PIGK: variants seen among roughly 807,000 people sequenced by gnomAD.
PIGK encodes the protein GPI-anchor transamidase.
PIGK carries 42 observed loss-of-function variants against 50.6 expected under a neutral mutation model. The observed-to-expected ratio is 0.83, with a 90% CI of 0.65 to 1.07. The LOEUF is 1.07. Ranked by LOEUF, PIGK falls within the 50% of genes least tolerant of loss-of-function variation. The pLI is 0.00. For synonymous variants in PIGK, 151 were observed against 156.0 expected (o/e 0.97, Z 0.24); for missense variants, 448 against 488.7 (o/e 0.92, Z 0.78).
intron 1 of PIGK, among the ~76,000 whole-genome samples, chr1:77,216,858 T>G (rs1390069889): frequency 6.6e-6 from 1 of 152,208 alleles, no homozygotes; most frequent in African/African-American, 2.4e-5. Flanking sequence ...TCCAAAGTTC[T>G]TACTTCTTTC....
At chr1:77,121,199 G>A (rs191109749) in intron 10 of PIGK, among the ~76,000 whole-genome samples, 4 of 152,218 alleles carry the variant, frequency 2.6e-5, no homozygotes, top group African/African-American at 9.6e-5. Context: ...TTTATGCTGA[G>A]AGTCAGGCAT....
chr1:77,096,585 A>G (rs1306019146), intron 10 of PIGK, among the ~76,000 whole-genome samples: 1 of 152,178 alleles, frequency 6.6e-6, no homozygotes, highest in East Asian at 1.9e-4. Flanking sequence ...CCAGCCAACT[A>G]TAAGGGCAAA....
In PIGK at chr1:77,159,856, A is replaced by G. The variant is rs1655096451; in HGVS notation, c.813+1439T>C. On this transcript the variant is annotated intron_variant, in intron 8 of 10. Coordinates refer to ENST00000370812, the MANE Select transcript of PIGK (RefSeq NM_005482.3). Reference sequence around the variant, plus strand: ...GCAGAAGGGACTTGTCTTGTCTCAGATGAGACTTTGGACTGTGGACTTTGA... The same window carrying G: ...GCAGAAGGGACTTGTCTTGTCTCAGGTGAGACTTTGGACTGTGGACTTTGA... Among the ~76,000 whole-genome samples, 4 of 152,142 alleles carry G rather than the reference A, an allele frequency of 2.6e-5. No individual in the cohort carries two copies. In the South Asian group the frequency reaches 8.3e-4, roughly 32 times the overall value.
intron 3 of PIGK, among the ~76,000 whole-genome samples, chr1:77,188,569 C>T (rs1255310443): frequency 2.0e-5 from 3 of 151,568 alleles, no homozygotes; most frequent in Admixed American, 2.0e-4. Context: ...TGTGATCTCG[C>T]CCTGCCTCCA....
intron 10 of PIGK, among the ~76,000 whole-genome samples, chr1:77,120,393 T>A (rs1046689172): frequency 4.6e-5 from 7 of 151,988 alleles, no homozygotes; most frequent in Non-Finnish European, 8.8e-5. Flanking sequence ...TAATTTTCTG[T>A]ATTACTTGTA....
intron 10 of PIGK, among the ~76,000 whole-genome samples, chr1:77,096,249 C>T (rs1214525099): frequency 1.3e-5 from 2 of 152,126 alleles, no homozygotes; most frequent in South Asian, 2.1e-4. Context: ...AGCACATCTT[C>T]GAGTCCTTCA....
intron 9 of PIGK, among the ~76,000 whole-genome samples, chr1:77,152,356 G>A (rs1312954714): frequency 6.6e-6 from 1 of 151,844 alleles, no homozygotes; most frequent in African/African-American, 2.4e-5. Context: ...AAATCAAAAT[G>A]GATTAAAGAC....
chr1:77,148,624 G>A (rs989832827), intron 9 of PIGK, among the ~76,000 whole-genome samples: 7 of 152,008 alleles, frequency 4.6e-5, no homozygotes, highest in African/African-American at 1.4e-4. Flanking sequence ...AATGTCGGGG[G>A]AGAGGGAGTT....
intron 10 of PIGK, among the ~76,000 whole-genome samples, chr1:77,108,185 C>T (rs912004778): frequency 1.3e-5 from 2 of 152,132 alleles, no homozygotes; most frequent in African/African-American, 2.4e-5. Context: ...TTCTTAGCAT[C>T]GATGGTCTTT....
intron 10 of PIGK, among the ~76,000 whole-genome samples, chr1:77,108,044 A>G (rs4504939): frequency 1.9e-3 from 285 of 152,120 alleles, no homozygotes; most frequent in Non-Finnish European, 3.2e-3. Flanking sequence ...TCTTTATCCA[A>G]TTTGCCAGTC....
intron 3 of PIGK, among the ~76,000 whole-genome samples, chr1:77,188,548 T>C (rs1224440212): frequency 6.6e-6 from 1 of 152,190 alleles, no homozygotes. Context: ...GGTCCTGTGG[T>C]CCTGTGGTCC....
At chr1:77,133,264 T>A (rs1654419724) in intron 9 of PIGK, among the ~76,000 whole-genome samples, 1 of 152,178 alleles carries the variant, frequency 6.6e-6, no homozygotes, top group South Asian at 2.1e-4. Context: ...TCATCTTCTG[T>A]ATCCAATTTG....
At chr1:77,144,295 C>T (rs1384552806) in intron 9 of PIGK, among the ~76,000 whole-genome samples, 1 of 151,708 alleles carries the variant, frequency 6.6e-6, no homozygotes, top group Non-Finnish European at 1.5e-5. Context: ...AGACATAAAT[C>T]AAAGAACTAA....
At chr1:77,170,306 A>G (rs891463701) in intron 3 of PIGK, among the ~76,000 whole-genome samples, 13 of 152,308 alleles carry the variant, frequency 8.5e-5, no homozygotes, top group South Asian at 4.1e-4. Context: ...TTCAGCCTCT[A>G]CCACCCACAT....
Position 77,096,586 on chromosome 1 carries a change from T to C in PIGK, c.1072-4096A>G, listed in dbSNP as rs537466477. 3.7e-4 allele frequency among the ~76,000 whole-genome samples: 57 copies of C among 152,280 alleles called. No individual in the cohort carries two copies. In the Middle Eastern group the frequency reaches 0.017, roughly 45 times the overall value. Reference sequence around the variant, plus strand: ...CCTCCAGCTAATAACCAGCCAACTATAAGGGCAAAACCATCTTACTAATCA... The same window carrying C: ...CCTCCAGCTAATAACCAGCCAACTACAAGGGCAAAACCATCTTACTAATCA... On this transcript the variant is annotated intron_variant, in intron 10 of 10. Coordinates refer to ENST00000370812, the MANE Select transcript of PIGK (RefSeq NM_005482.3).
At chr1:77,165,153 T>C (rs1655207549) in intron 5 of PIGK, among the ~76,000 whole-genome samples, 1 of 152,076 alleles carries the variant, frequency 6.6e-6, no homozygotes. Context: ...CTTCAACTAC[T>C]GGAATTTGTT....
rs11162270 is a variant in PIGK at position 77,090,052 on chromosome 1, C to G, written c.*2322G>C. On this transcript the variant is annotated 3_prime_UTR_variant, in exon 11 of 11. Transcript: ENST00000370812. ...CATTAACTTCCCCTTTGGTATCCTCCTAAGCCGACATAAGAACAATAATGC... is the reference window on the plus strand; with the variant it reads ...CATTAACTTCCCCTTTGGTATCCTCGTAAGCCGACATAAGAACAATAATGC... 6.6e-6 allele frequency: 1 copy of G among 152,092 alleles called. No individual in the cohort carries two copies. Among genetic ancestry groups the G allele is most frequent in the Non-Finnish European group, 1.5e-5 (1 of 68,024 alleles). 9.4% of individuals were successfully genotyped at this position (152,092 alleles called of 1,614,324 possible). A position where few individuals can be genotyped will look rare whatever the true frequency, so the allele number is the denominator to read the frequency against.
At chr1:77,137,793 G>A (rs1361610576) in intron 9 of PIGK, among the ~76,000 whole-genome samples, 5 of 151,926 alleles carry the variant, frequency 3.3e-5, no homozygotes, top group Admixed American at 2.6e-4. Context: ...TAGTAGAGAC[G>A]GGGTTTCACC....
chr1:77,142,778 A>C (rs1210878089), intron 9 of PIGK, among the ~76,000 whole-genome samples: 1 of 152,146 alleles, frequency 6.6e-6, no homozygotes, highest in African/African-American at 2.4e-5. Context: ...TGACCCAATC[A>C]CCTTCCTCCT....
Sources: gnomAD v4.1 joint callset for allele counts (sites outside exome capture counted in the v4.1 genomes callset) on GRCh38, gnomAD v4.1.1 for gene constraint, MANE v1.5 for transcripts, NCBI Gene and HGNC (gene_info 2026-07-23, HGNC 2026-07-21) for gene names.